Variants in REC114 observed in about 807,000 individuals in gnomAD.
REC114 encodes meiotic recombination protein REC114.
REC114 carries 27 observed loss-of-function variants against 31.3 expected under a neutral mutation model. The observed-to-expected ratio is 0.86, with a 90% CI of 0.64 to 1.19. The LOEUF (loss-of-function observed/expected upper bound fraction) is 1.19, where lower values mean the gene tolerates loss of function less well. REC114 is among the 50% of genes most tolerant of loss of function. The pLI is 0.00. For synonymous variants in REC114, 134 were observed against 127.7 expected, an observed-to-expected ratio of 1.05 and a Z score of -0.33; for missense variants, 344 against 326.9, an observed-to-expected ratio of 1.05 and a Z score of -0.40.
At chr15:73,534,770 G>A (rs28851516) in intron 2 of REC114, among the ~76,000 whole-genome samples, 25,296 of 149,392 alleles carry the variant, frequency 0.17, 3,638 homozygotes, top group African/African-American at 0.4. Flanking sequence ...CATTGATGCA[G>A]AAATCCTCAA....
At chr15:73,476,698 C>A (rs750912927) in intron 2 of REC114, among the ~76,000 whole-genome samples, 1 of 152,102 alleles carries the variant, frequency 6.6e-6, no homozygotes, top group South Asian at 2.1e-4. Flanking sequence ...CTCTGTTGTT[C>A]CATGTTATCA....
chr15:73,457,437 G>GT (rs903269649), intron 1 of REC114, among the ~76,000 whole-genome samples: 3 of 152,150 alleles, frequency 2.0e-5, no homozygotes, highest in Non-Finnish European at 2.9e-5. Context: ...CTTCTCTGGT[G>GT]TTTTGTCTTG....
At chr15:73,465,944 C>T (rs368082120) in intron 1 of REC114, among the ~76,000 whole-genome samples, 5 of 152,082 alleles carry the variant, frequency 3.3e-5, no homozygotes, top group East Asian at 1.9e-4. Flanking sequence ...CTCTGCCTTC[C>T]GGGTTCAAGC....
chr15:73,531,768 G>T (rs1894085929), intron 2 of REC114, among the ~76,000 whole-genome samples: 1 of 152,086 alleles, frequency 6.6e-6, no homozygotes, highest in East Asian at 1.9e-4. Flanking sequence ...CCATTGCAGG[G>T]CACAGCACCT....
intron 2 of REC114, among the ~76,000 whole-genome samples, chr15:73,489,760 CAA>C (rs1473441762): frequency 6.7e-6 from 1 of 149,284 alleles, no homozygotes; most frequent in African/African-American, 2.5e-5. Flanking sequence ...AAAAAAAAAA[CAA>C]AACTCAACTC....
intron 2 of REC114, among the ~76,000 whole-genome samples, chr15:73,498,740 T>C (rs1893562188): frequency 6.6e-6 from 1 of 152,208 alleles, no homozygotes; most frequent in East Asian, 1.9e-4. Context: ...ATTATTATAT[T>C]AATGGATTTA....
intron 5 of REC114, among the ~76,000 whole-genome samples, chr15:73,558,312 GAATT>G (rs1438324651): frequency 6.6e-6 from 1 of 152,310 alleles, no homozygotes; most frequent in East Asian, 1.9e-4. Flanking sequence ...CTACCTCACA[GAATT>G]AATGTGAGGA....
At chr15:73,537,562 T>C (rs1350218229) in intron 2 of REC114, among the ~76,000 whole-genome samples, 1 of 152,242 alleles carries the variant, frequency 6.6e-6, no homozygotes, top group Non-Finnish European at 1.5e-5. Context: ...TCATGCCTTT[T>C]TAAAATTGTG....
intron 1 of REC114, among the ~76,000 whole-genome samples, chr15:73,458,233 T>C (rs1252579662): frequency 6.6e-6 from 1 of 152,206 alleles, no homozygotes; most frequent in Non-Finnish European, 1.5e-5. Flanking sequence ...CATTTAATTC[T>C]CACATTAAGA....
chr15:73,535,308 A>G (rs1270767313), intron 2 of REC114, among the ~76,000 whole-genome samples: 1 of 152,112 alleles, frequency 6.6e-6, no homozygotes, highest in Non-Finnish European at 1.5e-5. Context: ...AATCTCTTTA[A>G]GCTGATAAGC....
intron 2 of REC114, among the ~76,000 whole-genome samples, chr15:73,507,026 T>TA (rs1047875756): frequency 6.6e-6 from 1 of 151,942 alleles, no homozygotes; most frequent in African/African-American, 2.4e-5. Flanking sequence ...GCTTGCTACA[T>TA]AAAAAAATTC....
chr15:73,515,726 G>A (rs1893849911), intron 2 of REC114, among the ~76,000 whole-genome samples: 1 of 152,124 alleles, frequency 6.6e-6, no homozygotes. Context: ...TACAAGCCAG[G>A]AAGCAAGCCG....
At chr15:73,554,343 C>A (rs747842764) in intron 4 of REC114, among the ~76,000 whole-genome samples, 1 of 152,194 alleles carries the variant, frequency 6.6e-6, no homozygotes, top group African/African-American at 2.4e-5. Flanking sequence ...CCGTCTTAAG[C>A]GGCACAAGCC....
At chr15:73,449,068 A>C (rs976873723) in intron 1 of REC114, among the ~76,000 whole-genome samples, 2 of 152,190 alleles carry the variant, frequency 1.3e-5, no homozygotes, top group African/African-American at 4.8e-5. Flanking sequence ...TGAAAATTCC[A>C]AAAACCAGAA....
intron 2 of REC114, among the ~76,000 whole-genome samples, chr15:73,474,955 G>A (rs895319350): frequency 6.6e-6 from 1 of 152,146 alleles, no homozygotes; most frequent in Non-Finnish European, 1.5e-5. Flanking sequence ...ACTGCAGCAT[G>A]CGTTGTACTA....
Position 73,485,632 on chromosome 15 carries a change from C to T in REC114, c.249+11711C>T, listed in dbSNP as rs558400569. On this transcript the variant is annotated intron_variant, in intron 2 of 5. Transcript: ENST00000331090. ...TGTGGCGCTTGCTCACCACCTTGCT[C>T]CTGCTCTTGCCATGAGATAAGCTCC... 2.5e-3 allele frequency among the ~76,000 whole-genome samples: 386 copies of T among 152,272 alleles called. 1 individual carries two copies. The highest frequency in any genetic ancestry group is 4.8e-3 in the Non-Finnish European group (328 of 68,018).
intron 1 of REC114, among the ~76,000 whole-genome samples, chr15:73,460,115 A>G (rs1027367077): frequency 1.3e-5 from 2 of 152,172 alleles, no homozygotes; most frequent in East Asian, 1.9e-4. Flanking sequence ...AATGTTTCCA[A>G]CTTGGGACCA....
At chr15:73,499,709 T>C (rs1385791596) in intron 2 of REC114, among the ~76,000 whole-genome samples, 1 of 152,180 alleles carries the variant, frequency 6.6e-6, no homozygotes, top group African/African-American at 2.4e-5. Flanking sequence ...CAGGCTTTCT[T>C]AGCATGGAAT....
intron 1 of REC114, among the ~76,000 whole-genome samples, chr15:73,462,592 A>G (rs1158905120): frequency 6.6e-6 from 1 of 152,308 alleles, no homozygotes; most frequent in South Asian, 2.1e-4. Context: ...AGCTTTAAGA[A>G]TTACCAACTC....
Sources: gnomAD v4.1 joint callset for allele counts (sites outside exome capture counted in the v4.1 genomes callset) on GRCh38, gnomAD v4.1.1 for gene constraint, MANE v1.5 for transcripts, NCBI Gene and HGNC (gene_info 2026-07-23, HGNC 2026-07-21) for gene names.